The following AGBL1 variants were observed in gnomAD, a reference collection of about 807,000 sequenced individuals.
The protein encoded by AGBL1 is AGBL carboxypeptidase 1, also known as cytosolic carboxypeptidase 4.
AGBL1 carries 130 observed loss-of-function variants against 118.9 expected under a neutral mutation model. The observed-to-expected ratio is 1.09, with a 90% CI of 0.95 to 1.26. AGBL1 has a LOEUF of 1.26. AGBL1 is among the 50% of genes most tolerant of loss of function. The pLI, the probability that AGBL1 is intolerant of heterozygous loss-of-function variation, is 0.00. For missense variants in AGBL1, 1,584 were observed against 1,298.1 expected (o/e 1.22, Z -3.38); for synonymous variants, 555 against 478.9 (o/e 1.16, Z -2.08).
chr15:86,389,155 T>C (rs2081240737), intron 17 of AGBL1, among the ~76,000 whole-genome samples: 3 of 152,058 alleles, frequency 2.0e-5, no homozygotes, highest in Admixed American at 6.6e-5. Context: ...ACAGAAAACA[T>C]TAAAAAAATA....
chr15:86,681,370 C>G (rs1049843531), intron 22 of AGBL1, among the ~76,000 whole-genome samples: 1 of 152,146 alleles, frequency 6.6e-6, no homozygotes, highest in African/African-American at 2.4e-5. Context: ...AGCTCACTTT[C>G]CATTTGGATC....
chr15:86,164,154 C>A (rs1405373183), intron 5 of AGBL1, among the ~76,000 whole-genome samples: 1 of 152,194 alleles, frequency 6.6e-6, no homozygotes, highest in Non-Finnish European at 1.5e-5. Flanking sequence ...ATTGGAGGGG[C>A]ATGTGGGGAC....
At chr15:86,923,387 TG>T (rs2080500058) in intron 23 of AGBL1, among the ~76,000 whole-genome samples, 1 of 152,086 alleles carries the variant, frequency 6.6e-6, no homozygotes, top group African/African-American at 2.4e-5. Flanking sequence ...TCAGGCAGAG[TG>T]GCCTATTCCC....
chr15:86,699,196 C>G (rs1010986379), intron 22 of AGBL1, among the ~76,000 whole-genome samples: 1 of 151,820 alleles, frequency 6.6e-6, no homozygotes, highest in African/African-American at 2.4e-5. Flanking sequence ...TGAGATTTGT[C>G]AAATGTTAAT....
At chr15:86,867,497 G>A (rs1340280121) in intron 22 of AGBL1, among the ~76,000 whole-genome samples, 1 of 152,066 alleles carries the variant, frequency 6.6e-6, no homozygotes, top group Non-Finnish European at 1.5e-5. Flanking sequence ...AAAAAATTAA[G>A]CATTAAATTA....
chr15:86,974,547 ATAAT>A (rs2081152239), intron 23 of AGBL1, among the ~76,000 whole-genome samples: 1 of 127,232 alleles, frequency 7.9e-6, no homozygotes, highest in Non-Finnish European at 1.7e-5. Context: ...TAAAAATTAT[ATAAT>A]TATATAATAT....
intron 1 of AGBL1, among the ~76,000 whole-genome samples, chr15:86,099,873 AATAAGGGT>A (rs1349314282): frequency 3.3e-5 from 5 of 152,050 alleles, no homozygotes; most frequent in African/African-American, 1.2e-4. Context: ...TACTATGTTG[AATAAGGGT>A]GGCAAAAATG....
intron 22 of AGBL1, among the ~76,000 whole-genome samples, chr15:86,731,899 TA>T (rs2077532163): frequency 6.6e-6 from 1 of 152,174 alleles, no homozygotes; most frequent in African/African-American, 2.4e-5. Flanking sequence ...CTGAACAAAA[TA>T]AAAACTCAGT....
intron 17 of AGBL1, among the ~76,000 whole-genome samples, chr15:86,356,628 ATCT>A (rs1473145169): frequency 6.6e-6 from 1 of 152,134 alleles, no homozygotes; most frequent in East Asian, 1.9e-4. Flanking sequence ...GTGTTTGATG[ATCT>A]TCTGAGTCTT....
chr15:86,151,259 G>A (rs1331243013), intron 3 of AGBL1, among the ~76,000 whole-genome samples: 2 of 147,816 alleles, frequency 1.4e-5, no homozygotes, highest in Non-Finnish European at 3.0e-5. Context: ...ATGTAACTAA[G>A]CTGCACATTG....
Position 86,999,524 on chromosome 15 carries a change from A to G in AGBL1, c.3323+11436A>G, listed in dbSNP as rs964564666. 3.4e-5 allele frequency among the ~76,000 whole-genome samples: 5 copies of G among 146,636 alleles called. 1 individual carries two copies. The highest frequency in any genetic ancestry group is 5.9e-5 in the Non-Finnish European group (4 of 67,512). On this transcript the variant is annotated intron_variant, in intron 24 of 24. Coordinates refer to the AGBL1 transcript ENST00000441037. The stretch of plus-strand genomic sequence containing the variant: ...AGTTTACTGAGAATGATGATTTCCA[A>G]TTTCATCCATGTCCCTACAAAGGAC...
intron 18 of AGBL1, among the ~76,000 whole-genome samples, chr15:86,485,691 A>G (rs1056140368): frequency 6.6e-6 from 1 of 152,166 alleles, no homozygotes; most frequent in African/African-American, 2.4e-5. Context: ...GCTATACAAA[A>G]GCAGATGATG....
intron 18 of AGBL1, among the ~76,000 whole-genome samples, chr15:86,469,464 TC>T (rs1177741069): frequency 6.6e-6 from 1 of 152,210 alleles, no homozygotes; most frequent in Admixed American, 6.5e-5. Context: ...GGTCACATTT[TC>T]TTTATCCATT....
intron 16 of AGBL1, among the ~76,000 whole-genome samples, chr15:86,282,717 G>A (rs1305555938): frequency 1.3e-5 from 2 of 152,168 alleles, no homozygotes; most frequent in Non-Finnish European, 2.9e-5. Context: ...GTCCTGAGGA[G>A]AAACGGTTTT....
intron 3 of AGBL1, among the ~76,000 whole-genome samples, chr15:86,152,266 C>G (rs534305807): frequency 6.6e-6 from 1 of 152,274 alleles, no homozygotes; most frequent in South Asian, 2.1e-4. Context: ...TGACTTCAAA[C>G]TATATTACAA....
chr15:86,854,358 A>T (rs1033148251), intron 22 of AGBL1, among the ~76,000 whole-genome samples: 1 of 152,082 alleles, frequency 6.6e-6, no homozygotes, highest in Admixed American at 6.6e-5. Flanking sequence ...GCTGTCAGGG[A>T]GATGCATGGT....
rs145369121 is a variant in AGBL1 at position 86,626,402 on chromosome 15, C to T, written c.2995-47871C>T. 3.7e-3 allele frequency among the ~76,000 whole-genome samples: 560 copies of T among 152,246 alleles called. 4 individuals are homozygous for T. Among genetic ancestry groups the T allele is most frequent in the African/African-American group, 0.013 (520 of 41,524 alleles). Reference sequence around the variant, plus strand: ...GGTCATTATCCCTAGCAAACTAATGCGGTAACAGAGAACCAAACACAGCAC... The same window carrying T: ...GGTCATTATCCCTAGCAAACTAATGTGGTAACAGAGAACCAAACACAGCAC... On this transcript the variant is annotated intron_variant, in intron 21 of 22. Transcript: ENST00000614907.
intron 6 of AGBL1, among the ~76,000 whole-genome samples, chr15:86,230,120 T>C (rs567681213): frequency 6.6e-6 from 1 of 152,320 alleles, no homozygotes; most frequent in East Asian, 1.9e-4. Flanking sequence ...GTTAATGCTC[T>C]GTCTGGCTGG....
chr15:86,639,810 G>A (rs540278402), intron 21 of AGBL1, among the ~76,000 whole-genome samples: 1 of 152,234 alleles, frequency 6.6e-6, no homozygotes, highest in South Asian at 2.1e-4. Context: ...AGGAAAGCCG[G>A]GAAACCCATG....
Sources: allele counts gnomAD v4.1 joint callset (sites outside exome capture counted in the v4.1 genomes callset), GRCh38; gene constraint gnomAD v4.1.1; transcripts MANE v1.5; gene names NCBI Gene and HGNC (gene_info 2026-07-23, HGNC 2026-07-21).